The following LRP6 variants were observed in gnomAD, a reference collection of about 807,000 sequenced individuals.
LRP6 encodes the protein low-density lipoprotein receptor-related protein 6.
LRP6 carries 43 observed loss-of-function variants against 184.1 expected under a neutral mutation model. The observed-to-expected ratio is 0.23, with a 90% CI of 0.18 to 0.30. The LOEUF (loss-of-function observed/expected upper bound fraction) is 0.30, where lower values mean the gene tolerates loss of function less well. Ranked by LOEUF, LRP6 falls within the 10% of genes least tolerant of loss-of-function variation. The pLI is 1.00. For synonymous variants in LRP6, 719 were observed against 684.9 expected, an observed-to-expected ratio of 1.05 and a Z score of -0.78; for missense variants, 1,571 against 2,005.3, an observed-to-expected ratio of 0.78 and a Z score of 4.14.
In LRP6 at chr12:12,159,902, C is replaced by A. The variant is rs1436584337; in HGVS notation, c.2342G>T (p.Ser781Ile). ...ATTTGGAACTAAGGTAGTACGTTCA[C>A]TTCCATCCATTGCAGCTCTGTCTAT... is the stretch of plus-strand genomic sequence containing the variant. ...PKIDRAAMDGSERTTLVPNVG... is the reference protein window; with the variant it reads ...PKIDRAAMDGIERTTLVPNVG... The change falls in exon 11 of 23, where the codon AGT (serine) becomes ATT (isoleucine). Residue 781 changes from serine to isoleucine, a missense_variant. This residue lies in a region of LRP6 where 158 missense variants were observed against 258.4 expected (regional missense o/e 0.61). Transcript: ENST00000261349. The A allele has an allele frequency of 1.2e-6, 2 of 1,614,060 alleles. No homozygotes were observed. The highest frequency in any genetic ancestry group is 2.2e-5 in the South Asian group (2 of 91,060).
chr12:12,186,196 C>T (rs1863469779), intron 4 of LRP6, among the ~76,000 whole-genome samples: 1 of 152,086 alleles, frequency 6.6e-6, no homozygotes, highest in South Asian at 2.1e-4. Context: ...CAACTACATA[C>T]TGAAAGAAAT....
intron 15 of LRP6, among the ~76,000 whole-genome samples, chr12:12,146,853 T>G (rs995824248): frequency 2.0e-5 from 3 of 152,134 alleles, no homozygotes; most frequent in Non-Finnish European, 4.4e-5. Flanking sequence ...AAAGGATGCA[T>G]TAGAAATGTA....
intron 12 of LRP6, among the ~76,000 whole-genome samples, chr12:12,157,380 T>A: frequency 6.6e-6 from 1 of 152,202 alleles, no homozygotes; most frequent in East Asian, 1.9e-4. Context: ...CACACTGGTC[T>A]AACTGACTTC....
intron 5 of LRP6, 45 bp downstream of exon 5, chr12:12,183,935 T>C: frequency 1.3e-6 from 2 of 1,566,794 alleles, no homozygotes; most frequent in Non-Finnish European, 1.8e-6. Context: ...TCATGAAGAA[T>C]TCCAATAGTT....
Position 12,135,258 on chromosome 12 carries a change from A to G in LRP6, c.3650T>C (p.Ile1217Thr), listed in dbSNP as rs1486451290. 6.2e-7 allele frequency: 1 copy of G among 1,613,190 alleles called. No individual in the cohort carries two copies. The change falls in exon 17 of 23, where the codon ATT becomes ACT. Residue 1217 changes from isoleucine (I) to threonine (T), a missense_variant. By Grantham distance (89) the Ile-to-Thr change is moderately conservative (BLOSUM62 -1). Around this residue, in one of 4 missense-constraint regions of LRP6, gnomAD observed 763 missense variants for 859.5 expected, o/e 0.89. Coordinates refer to ENST00000261349, the MANE Select transcript of LRP6 (RefSeq NM_002336.3). ...CAQDNGGCSH[I>T]CLVKGDGTTR... The stretch of plus-strand genomic sequence containing the variant: ...AGTACCATCCCCCTTTACAAGACAA[A>G]TATGTGAACAGCCACCATTATCCTG...
chr12:12,199,328 G>A (rs990361657), intron 3 of LRP6, among the ~76,000 whole-genome samples: 1 of 152,006 alleles, frequency 6.6e-6, no homozygotes, highest in Non-Finnish European at 1.5e-5. Context: ...TATAGCATGT[G>A]TCTCTGTTGT....
intron 22 of LRP6, among the ~76,000 whole-genome samples, chr12:12,123,519 A>T (rs1949631751): frequency 6.6e-6 from 1 of 152,216 alleles, no homozygotes; most frequent in Non-Finnish European, 1.5e-5. Flanking sequence ...AGATAATAGA[A>T]GATTATCTAG....
At chr12:12,140,732 T>C (rs995949516) in intron 15 of LRP6, among the ~76,000 whole-genome samples, 1 of 151,676 alleles carries the variant, frequency 6.6e-6, no homozygotes, top group Non-Finnish European at 1.5e-5. Context: ...GACTCCTGAG[T>C]AGCTGGGATT....
intron 19 of LRP6, 95 bp downstream of exon 19, chr12:12,130,688 A>G (rs552380501): frequency 3.3e-4 from 247 of 757,368 alleles, no homozygotes; most frequent in Non-Finnish European, 4.8e-4. Context: ...CTTATTACTT[A>G]GAAAGGAAAT....
At chr12:12,184,677 T>C (rs555115672) in intron 4 of LRP6, among the ~76,000 whole-genome samples, 33 of 152,244 alleles carry the variant, frequency 2.2e-4, no homozygotes, top group African/African-American at 7.9e-4. Flanking sequence ...TAATAGGAAC[T>C]AAAGCTGAAT....
At chr12:12,176,261 A>C (rs1863180214) in intron 7 of LRP6, among the ~76,000 whole-genome samples, 1 of 152,230 alleles carries the variant, frequency 6.6e-6, no homozygotes, top group South Asian at 2.1e-4. Flanking sequence ...TGTCCACAAA[A>C]GGCAATGAAG....
chr12:12,218,883 G>C (rs919106659), intron 2 of LRP6, among the ~76,000 whole-genome samples: 1 of 152,132 alleles, frequency 6.6e-6, no homozygotes, highest in Non-Finnish European at 1.5e-5. Flanking sequence ...TTGCAGGAAA[G>C]AGAGAAACTG....
intron 2 of LRP6, among the ~76,000 whole-genome samples, chr12:12,227,508 A>G (rs537028632): frequency 2.0e-5 from 3 of 152,000 alleles, no homozygotes; most frequent in Admixed American, 2.0e-4. Context: ...CCCAGGTTCA[A>G]GCGATTTTCC....
chr12:12,135,786 T>C (rs1949829620), intron 16 of LRP6, among the ~76,000 whole-genome samples: 1 of 151,996 alleles, frequency 6.6e-6, no homozygotes, highest in Non-Finnish European at 1.5e-5. Flanking sequence ...ACTACTTCTA[T>C]CTAACCACTG....
At chr12:12,201,345 C>G (rs914463750) in intron 3 of LRP6, among the ~76,000 whole-genome samples, 7 of 152,204 alleles carry the variant, frequency 4.6e-5, no homozygotes, top group Non-Finnish European at 1.0e-4. Flanking sequence ...TGGGGCTAGA[C>G]TGCTCTAGCT....
intron 2 of LRP6, among the ~76,000 whole-genome samples, chr12:12,236,178 G>A (rs1293637581): frequency 1.3e-5 from 2 of 152,096 alleles, no homozygotes; most frequent in African/African-American, 4.8e-5. Flanking sequence ...AGTGAGCCAA[G>A]ATGGCGCCAC....
intron 2 of LRP6, 92 bp downstream of exon 2, chr12:12,244,170 T>G: frequency 7.7e-7 from 1 of 1,299,796 alleles, no homozygotes. Context: ...GTTTTCGATC[T>G]TTCTTTTCTC....
chr12:12,130,917 T>A (rs866104417), intron 18 of LRP6, 24 bp from the exon 19 acceptor site: 2 of 1,311,626 alleles, frequency 1.5e-6, no homozygotes, highest in Middle Eastern at 1.8e-4. Context: ...ATAAATAGTT[T>A]CCTTATTTTT....
At chr12:12,243,469 T>G (rs1020893838) in intron 2 of LRP6, among the ~76,000 whole-genome samples, 2 of 152,246 alleles carry the variant, frequency 1.3e-5, no homozygotes, top group Non-Finnish European at 1.5e-5. Context: ...GATTAGTCTA[T>G]CTCATCTTGG....
Sources: gnomAD v4.1 joint callset for allele counts (sites outside exome capture counted in the v4.1 genomes callset) on GRCh38, gnomAD v4.1.1 for gene constraint, gnomAD v4.1.1 regional missense constraint, MANE v1.5 for transcripts, NCBI Gene and HGNC (gene_info 2026-07-23, HGNC 2026-07-21) for gene names.